The following SLC12A7 variants were observed in gnomAD, a reference collection of about 807,000 sequenced individuals.
The protein encoded by SLC12A7 is solute carrier family 12 member 7, also known as K-Cl cotransporter 4.
Under a neutral mutation model 120.6 loss-of-function variants are expected in SLC12A7, and 100 were observed. The ratio of observed to expected loss-of-function variants is 0.83; its 90% CI spans 0.71 to 0.98. The LOEUF is 0.98. Among genes scored for constraint, SLC12A7 ranks in the 50% least tolerant of loss-of-function variants. SLC12A7 has a pLI of 0.00. For missense variants in SLC12A7, 1,373 were observed against 1,548.1 expected, an observed-to-expected ratio of 0.89 and a Z score of 1.90; for synonymous variants, 760 against 678.0, an observed-to-expected ratio of 1.12 and a Z score of -1.88.
At chr5:1,087,079 C>T (rs769045781) in intron 5 of SLC12A7, 46 bp from the exon 6 acceptor site, 4 of 1,568,346 alleles carry the variant, frequency 2.6e-6, no homozygotes, top group African/African-American at 2.7e-5. Flanking sequence ...CGCACTTGGA[C>T]TCGGACCCGA....
Position 1,053,348 on chromosome 5 carries a change from C to G in SLC12A7, c.3160+1G>C, listed in dbSNP as rs1015726969. 2.4e-5 allele frequency: 38 copies of G among 1,613,568 alleles called. No homozygotes were observed. The highest frequency in any genetic ancestry group is 3.0e-5 in the Non-Finnish European group (35 of 1,179,828). On this transcript the variant is annotated splice_donor_variant, in intron 23 of 23. Transcript: ENST00000264930. LOFTEE classifies it high-confidence loss of function. Reference sequence around the variant, plus strand: ...AGCAGGCACACTGCAAGAAAGGATACAGTTCTCGTCTCCCTGCCGGTTTTT... The same window carrying G: ...AGCAGGCACACTGCAAGAAAGGATAGAGTTCTCGTCTCCCTGCCGGTTTTT...
At chr5:1,065,258 C>A in intron 18 of SLC12A7, 25 bp downstream of exon 18, 1 of 1,526,256 alleles carries the variant, frequency 6.6e-7, no homozygotes, top group Non-Finnish European at 8.9e-7. Context: ...TGAGGGGATG[C>A]CGAAGGGCCG....
At chr5:1,098,114 C>T (rs1364288254) in intron 1 of SLC12A7, among the ~76,000 whole-genome samples, 1 of 137,580 alleles carries the variant, frequency 7.3e-6, no homozygotes, top group African/African-American at 2.8e-5. Context: ...CACCCAGCCC[C>T]CCTCTAACCC....
rs570622411 is a variant in SLC12A7 at position 1,084,627 on chromosome 5, C to T, written c.917+605G>A. 3.9e-5 allele frequency among the ~76,000 whole-genome samples: 6 copies of T among 152,310 alleles called. No individual in the cohort carries two copies. In the South Asian group the frequency reaches 6.2e-4, roughly 16 times the overall value. Reference sequence around the variant, plus strand: ...GGAGGGCAGCTGTGCTTCCCTAAAACGGGCTTGTGGGGTTGCAGCTGTTCT... The same window carrying T: ...GGAGGGCAGCTGTGCTTCCCTAAAATGGGCTTGTGGGGTTGCAGCTGTTCT... On this transcript the variant is annotated intron_variant, in intron 7 of 23. Transcript: ENST00000264930.
intron 1 of SLC12A7, among the ~76,000 whole-genome samples, chr5:1,103,153 C>T (rs575050331): frequency 6.6e-6 from 1 of 152,262 alleles, no homozygotes; most frequent in African/African-American, 2.4e-5. Context: ...CAGGCTGGGA[C>T]ACGGGGGGCT....
chr5:1,102,709 G>A (rs534160168), intron 1 of SLC12A7, among the ~76,000 whole-genome samples: 96 of 152,296 alleles, frequency 6.3e-4, no homozygotes, highest in African/African-American at 2.3e-3. Context: ...CCCTGCACTC[G>A]AGGAGGTTCT....
chr5:1,076,820 G>T lies in SLC12A7; in HGVS notation c.1630-8C>A. ...CTTCCCGTGGCCAAACACCTGCAGG[G>T]AGAAGGGCAGGAAGATGGGGCAGAT... On this transcript the variant is annotated splice_region_variant and splice_polypyrimidine_tract_variant and intron_variant, in intron 12 of 23. Coordinates refer to ENST00000264930, the MANE Select transcript of SLC12A7 (RefSeq NM_006598.3). 6.3e-7 allele frequency: 1 copy of T among 1,590,732 alleles called. No individual in the cohort carries two copies. Among genetic ancestry groups the T allele is most frequent in the East Asian group, 2.2e-5 (1 of 44,770 alleles).
intron 1 of SLC12A7, among the ~76,000 whole-genome samples, chr5:1,099,871 C>T (rs888910846): frequency 3.3e-5 from 5 of 151,518 alleles, no homozygotes; most frequent in Admixed American, 6.6e-5. Flanking sequence ...TCCCCTCCGG[C>T]GGGTGTACGG....
At chr5:1,114,784 A>G (rs768978461), upstream of SLC12A7, among the ~76,000 whole-genome samples, 1 of 151,966 alleles carries the variant, frequency 6.6e-6, no homozygotes, top group East Asian at 1.9e-4. Flanking sequence ...GGAGCCACGC[A>G]CTGTCTGGTG....
At position 1,103,404 on chromosome 5, in the gene SLC12A7, T is replaced by C. The variant is rs563075159; in HGVS notation, c.124+8464A>G. ...CTGGCAAGCTATGGCCAGACACACA[T>C]GAACACACGCCACAGAAAATATACA... is the stretch of plus-strand genomic sequence containing the variant. On this transcript the variant is annotated intron_variant, in intron 1 of 23. Transcript: ENST00000264930. 9.7e-4 allele frequency among the ~76,000 whole-genome samples: 147 copies of C among 152,124 alleles called. 1 individual carries two copies. Among genetic ancestry groups the C allele is most frequent in the African/African-American group, 3.5e-3 (146 of 41,536 alleles).
chr5:1,109,164 C>T (rs142727186), intron 1 of SLC12A7, among the ~76,000 whole-genome samples: 71 of 152,268 alleles, frequency 4.7e-4, no homozygotes, highest in African/African-American at 1.4e-3. Flanking sequence ...AGGCTCTGCA[C>T]GCTGCACCTT....
intron 22 of SLC12A7, among the ~76,000 whole-genome samples, chr5:1,054,600 C>T (rs375235656): frequency 2.6e-5 from 4 of 152,170 alleles, no homozygotes; most frequent in East Asian, 3.9e-4. Flanking sequence ...CAGCTGCAGC[C>T]GTGCGGTCGT....
rs185792075 is a variant in SLC12A7 at position 1,106,644 on chromosome 5, C to T, written c.124+5224G>A. 1.2e-4 allele frequency among the ~76,000 whole-genome samples: 19 copies of T among 152,210 alleles called. No homozygotes were observed. In the South Asian group the frequency reaches 2.1e-3, roughly 17 times the overall value. Reference sequence around the variant, plus strand: ...AGTGCTGTGCCCAGCGGTGCCACGTCGGGATGTGTCTGCAGTGCCCAAGGA... The same window carrying T: ...AGTGCTGTGCCCAGCGGTGCCACGTTGGGATGTGTCTGCAGTGCCCAAGGA... On this transcript the variant is annotated intron_variant, in intron 1 of 23. Transcript: ENST00000264930.
intron 6 of SLC12A7, among the ~76,000 whole-genome samples, 165 bp from the exon 7 acceptor site, chr5:1,085,638 A>G (rs113872427): frequency 0.071 from 5,172 of 72,430 alleles, 205 homozygotes; most frequent in African/African-American, 0.18. Context: ...GCGCACAGGC[A>G]AGGGACGGAG....
chr5:1,067,982 G>A (rs1737241390), intron 17 of SLC12A7, among the ~76,000 whole-genome samples: 2 of 152,212 alleles, frequency 1.3e-5, no homozygotes, highest in Admixed American at 1.3e-4. Context: ...CAACCCGGAG[G>A]ACAACTTTAC....
chr5:1,094,820 C>T (rs2150881876), intron 1 of SLC12A7, among the ~76,000 whole-genome samples: 1 of 152,306 alleles, frequency 6.6e-6, no homozygotes, highest in Non-Finnish European at 1.5e-5. Flanking sequence ...AAATGAGCCC[C>T]TCCTGAGTCT....
upstream of SLC12A7, among the ~76,000 whole-genome samples, chr5:1,112,359 C>T (rs1299294528): frequency 1.9e-5 from 1 of 52,770 alleles, no homozygotes; most frequent in African/African-American, 5.8e-5. Flanking sequence ...CGGCCCCCTC[C>T]CCGCCTCCCC....
At chr5:1,091,986 C>T (rs1023671168) in intron 3 of SLC12A7, among the ~76,000 whole-genome samples, 3 of 152,174 alleles carry the variant, frequency 2.0e-5, no homozygotes, top group South Asian at 2.1e-4. Flanking sequence ...GAAAGAGGTC[C>T]AGAGATGCAG....
At chr5:1,112,375 T>C (rs1579452900), upstream of SLC12A7, among the ~76,000 whole-genome samples, 2 of 51,758 alleles carry the variant, frequency 3.9e-5, no homozygotes, top group Admixed American at 2.4e-4. Context: ...TCCCCTCTTG[T>C]CCCCTTCCCC....
Sources: gnomAD v4.1 joint callset for allele counts (sites outside exome capture counted in the v4.1 genomes callset) on GRCh38, gnomAD v4.1.1 for gene constraint, MANE v1.5 for transcripts, NCBI Gene and HGNC (gene_info 2026-07-23, HGNC 2026-07-21) for gene names.